Variants in OXR1 observed in about 807,000 individuals in gnomAD.
OXR1 encodes the protein oxidation resistance 1.
Under a neutral mutation model 104.6 loss-of-function variants are expected in OXR1, and 41 were observed. That is an observed-to-expected ratio of 0.39 (90% CI 0.31 to 0.51). The LOEUF (loss-of-function observed/expected upper bound fraction) is 0.51. Ranked by LOEUF, OXR1 falls within the 20% of genes least tolerant of loss-of-function variation. OXR1 has a pLI of 0.77. For missense variants in OXR1, 955 were observed against 1,031.9 expected (o/e 0.93, Z 1.02); for synonymous variants, 348 against 348.4 (o/e 1.00, Z 0.01).
chr8:106,338,470 G>A (rs1312625428), intron 1 of OXR1, among the ~76,000 whole-genome samples: 2 of 151,516 alleles, frequency 1.3e-5, no homozygotes, highest in Non-Finnish European at 2.9e-5. Flanking sequence ...GGCTGAGGCA[G>A]GAGAATCACT....
chr8:106,563,184 A>G (rs1183855858), intron 3 of OXR1, among the ~76,000 whole-genome samples: 2 of 151,986 alleles, frequency 1.3e-5, no homozygotes, highest in Non-Finnish European at 2.9e-5. Context: ...GGCAAATTGG[A>G]TAGAATCAAG....
intron 2 of OXR1, among the ~76,000 whole-genome samples, chr8:106,506,321 CAG>C (rs1812153212): frequency 6.6e-6 from 1 of 152,108 alleles, no homozygotes; most frequent in Non-Finnish European, 1.5e-5. Flanking sequence ...GAGGTAAAAA[CAG>C]AGAGTTTTGG....
At chr8:106,543,771 T>G (rs1815138210) in intron 3 of OXR1, among the ~76,000 whole-genome samples, 1 of 152,176 alleles carries the variant, frequency 6.6e-6, no homozygotes, top group South Asian at 2.1e-4. Context: ...CTGCCTGCAG[T>G]GCTAAAGTGA....
At chr8:106,341,150 T>C (rs1010298003) in intron 1 of OXR1, among the ~76,000 whole-genome samples, 3 of 152,138 alleles carry the variant, frequency 2.0e-5, no homozygotes, top group East Asian at 3.8e-4. Flanking sequence ...TCTGTATATA[T>C]AGTTTATTTT....
intron 9 of OXR1, among the ~76,000 whole-genome samples, chr8:106,707,936 C>CT (rs1831301280): frequency 6.6e-6 from 1 of 152,054 alleles, no homozygotes; most frequent in South Asian, 2.1e-4. Flanking sequence ...TACCATTTAA[C>CT]TTTTTAAAAT....
intron 1 of OXR1, among the ~76,000 whole-genome samples, chr8:106,293,302 G>A (rs1812835095): frequency 6.6e-6 from 1 of 152,174 alleles, no homozygotes; most frequent in Non-Finnish European, 1.5e-5. Flanking sequence ...TTCTAGCACA[G>A]TCCCTTATCT....
chr8:106,637,327 G>A (rs1823225522), intron 3 of OXR1, among the ~76,000 whole-genome samples: 1 of 149,234 alleles, frequency 6.7e-6, no homozygotes, highest in Non-Finnish European at 1.5e-5. Context: ...TAATGTGTGT[G>A]TGTATATATA....
intron 7 of OXR1, among the ~76,000 whole-genome samples, chr8:106,698,690 C>T (rs1830309095): frequency 6.6e-6 from 1 of 152,120 alleles, no homozygotes; most frequent in South Asian, 2.1e-4. Flanking sequence ...TATTTCATCT[C>T]ACACATTGCA....
intron 16 of OXR1, among the ~76,000 whole-genome samples, chr8:106,750,324 C>CTTTTTTTTTT (rs35858491): frequency 2.2e-4 from 30 of 138,180 alleles, no homozygotes; most frequent in Non-Finnish European, 2.9e-4. Context: ...CTTTTCTTTT[C>CTTTTTTTTTT]TTTTTTTTTT....
chr8:106,304,405 A>G (rs1813389782), intron 1 of OXR1, among the ~76,000 whole-genome samples: 1 of 152,198 alleles, frequency 6.6e-6, no homozygotes, highest in Admixed American at 6.5e-5. Flanking sequence ...TTGAAGTCAG[A>G]TGAATCCACA....
At chr8:106,422,169 A>G (rs1231256673) in intron 2 of OXR1, among the ~76,000 whole-genome samples, 3 of 152,194 alleles carry the variant, frequency 2.0e-5, no homozygotes, top group African/African-American at 7.2e-5. Flanking sequence ...TACATAGGAC[A>G]TCGCAGTGGA....
intron 11 of OXR1, chr8:106,726,356 C>T: frequency 1.1e-6 from 1 of 940,140 alleles, no homozygotes; most frequent in South Asian, 1.7e-5. Flanking sequence ...CTAGTCTTTT[C>T]ATGGTGACAT....
At chr8:106,292,719 T>C (rs968229365) in intron 1 of OXR1, among the ~76,000 whole-genome samples, 1 of 152,108 alleles carries the variant, frequency 6.6e-6, no homozygotes, top group African/African-American at 2.4e-5. Context: ...ACATGAAGAT[T>C]GACCTGAGAG....
At chr8:106,305,807 A>T (rs765655827) in intron 1 of OXR1, among the ~76,000 whole-genome samples, 1 of 152,102 alleles carries the variant, frequency 6.6e-6, no homozygotes, top group Non-Finnish European at 1.5e-5. Context: ...ATTCCTTGGT[A>T]CTTCCTTCTG....
chr8:106,355,564 A>G (rs1442233473), intron 1 of OXR1, among the ~76,000 whole-genome samples: 1 of 152,082 alleles, frequency 6.6e-6, no homozygotes, highest in Non-Finnish European at 1.5e-5. Context: ...TCAGATAGTT[A>G]TAAGTTATAA....
chr8:106,616,224 T>C (rs1349734400), intron 3 of OXR1, among the ~76,000 whole-genome samples: 1 of 135,200 alleles, frequency 7.4e-6, no homozygotes, highest in Non-Finnish European at 1.6e-5. Context: ...TGGAATTTTT[T>C]TTTTTTTTTT....
chr8:106,464,088 C>T (rs1324788135), intron 2 of OXR1, among the ~76,000 whole-genome samples: 3 of 151,930 alleles, frequency 2.0e-5, no homozygotes, highest in Admixed American at 6.6e-5. Flanking sequence ...TTTTAGCCTA[C>T]GAATTTCTAA....
At chr8:106,715,966 G>C (rs966876017) in intron 11 of OXR1, among the ~76,000 whole-genome samples, 1 of 152,156 alleles carries the variant, frequency 6.6e-6, no homozygotes, top group Non-Finnish European at 1.5e-5. Context: ...ATCCAGTATA[G>C]CAGCACTAGC....
chr8:106,362,352 A>C (rs1816283286), intron 2 of OXR1, among the ~76,000 whole-genome samples: 1 of 152,210 alleles, frequency 6.6e-6, no homozygotes, highest in African/African-American at 2.4e-5. Flanking sequence ...CTCGTAGAAA[A>C]CCTAGGAATT....
Sources: gnomAD v4.1 joint callset for allele counts (sites outside exome capture counted in the v4.1 genomes callset) on GRCh38, gnomAD v4.1.1 for gene constraint, MANE v1.5 for transcripts, NCBI Gene and HGNC (gene_info 2026-07-23, HGNC 2026-07-21) for gene names.